Variants in MIS18A observed in about 807,000 individuals in gnomAD.
MIS18A encodes MIS18 kinetochore protein A.
MIS18A carries 14 observed loss-of-function variants against 25.0 expected under a neutral mutation model. The observed-to-expected ratio is 0.56, with a 90% CI of 0.37 to 0.88. MIS18A has a LOEUF of 0.88. Ranked by LOEUF, MIS18A falls within the 40% of genes least tolerant of loss-of-function variation. The probability of loss-of-function intolerance (pLI) is 0.00; values close to 1 mark genes in which losing one functional copy is unlikely to be tolerated. For missense variants in MIS18A, 292 were observed against 290.8 expected (o/e 1.00, Z -0.03); for synonymous variants, 134 against 118.6 (o/e 1.13, Z -0.84).
the MIS18A span, among the ~76,000 whole-genome samples, chr21:32,254,729 G>A: frequency 1.7e-4 from 26 of 152,174 alleles, no homozygotes; most frequent in East Asian, 5.8e-4. Context: ...CCTAGAATCC[G>A]TCTCCTCTTT....
chr21:32,218,865 G>A, the MIS18A span, among the ~76,000 whole-genome samples: 9 of 152,188 alleles, frequency 5.9e-5, no homozygotes, highest in African/African-American at 2.2e-4. Context: ...AGGAGTTCAA[G>A]ACCAGCCTGG....
the MIS18A span, among the ~76,000 whole-genome samples, chr21:32,213,048 A>G: frequency 6.6e-6 from 1 of 152,196 alleles, no homozygotes; most frequent in African/African-American, 2.4e-5. Flanking sequence ...GGGAGCAACT[A>G]CTTTCAAACA....
chr21:32,274,080 G>C (rs953072195), intron 2 of MIS18A, among the ~76,000 whole-genome samples: 3 of 152,002 alleles, frequency 2.0e-5, no homozygotes, highest in Admixed American at 2.0e-4. Context: ...ACCCCAATAG[G>C]CTGTGTGTGT....
the MIS18A span, among the ~76,000 whole-genome samples, chr21:32,219,615 C>T: frequency 6.6e-6 from 1 of 152,136 alleles, no homozygotes; most frequent in Non-Finnish European, 1.5e-5. Context: ...CCTGGAATGC[C>T]AGCAAGACAG....
chr21:32,242,753 G>T, the MIS18A span, among the ~76,000 whole-genome samples: 21 of 152,208 alleles, frequency 1.4e-4, no homozygotes, highest in Admixed American at 6.5e-5. Flanking sequence ...CCCTCCAGAA[G>T]CTCCCAGTGT....
the MIS18A span, among the ~76,000 whole-genome samples, chr21:32,221,723 C>CAAAA: frequency 5.5e-5 from 6 of 108,664 alleles, no homozygotes; most frequent in African/African-American, 2.1e-4. Context: ...ACGAATAATA[C>CAAAA]AAAAAAAAAA....
chr21:32,275,779 A>G (rs1229236248), intron 1 of MIS18A, among the ~76,000 whole-genome samples: 3 of 151,884 alleles, frequency 2.0e-5, no homozygotes, highest in African/African-American at 7.3e-5. Context: ...TTGTCTCCTC[A>G]TCCTGCTCCC....
the MIS18A span, among the ~76,000 whole-genome samples, chr21:32,254,456 G>A: frequency 3.9e-5 from 6 of 151,976 alleles, no homozygotes; most frequent in East Asian, 1.9e-4. Flanking sequence ...ACTTGAACCC[G>A]GGAGGTGGAG....
chr21:32,236,457 A>G, the MIS18A span, among the ~76,000 whole-genome samples: 1 of 71,942 alleles, frequency 1.4e-5, no homozygotes, highest in Admixed American at 1.9e-4. Context: ...ACCCAAAATA[A>G]CACTGGTCAA....
the MIS18A span, among the ~76,000 whole-genome samples, chr21:32,238,130 A>AT: frequency 6.6e-6 from 1 of 152,174 alleles, no homozygotes; most frequent in African/African-American, 2.4e-5. Context: ...CAGAAAAGCC[A>AT]TTTTCTAAAG....
intron 3 of MIS18A, among the ~76,000 whole-genome samples, chr21:32,270,144 C>T (rs1378126702): frequency 6.6e-6 from 1 of 151,948 alleles, no homozygotes; most frequent in East Asian, 1.9e-4. Flanking sequence ...TACTGAACTA[C>T]TTTCAATTTT....
At chr21:32,227,501 C>T in the MIS18A span, among the ~76,000 whole-genome samples, 2 of 151,974 alleles carry the variant, frequency 1.3e-5, no homozygotes, top group African/African-American at 2.4e-5. Context: ...ACAACCTAAA[C>T]TGACTCAAAA....
At chr21:32,198,396 T>C in the MIS18A span, among the ~76,000 whole-genome samples, 1 of 152,258 alleles carries the variant, frequency 6.6e-6, no homozygotes, top group Non-Finnish European at 1.5e-5. Context: ...AGTGTGTTCC[T>C]TCCCGGGTGT....
chr21:32,255,668 T>C, the MIS18A span, among the ~76,000 whole-genome samples: 11,777 of 151,442 alleles, frequency 0.078, 781 homozygotes, highest in African/African-American at 0.18. Flanking sequence ...GGAGGGTGGA[T>C]CACGAGGTCA....
At chr21:32,163,774 G>C in the MIS18A span, among the ~76,000 whole-genome samples, 1 of 152,176 alleles carries the variant, frequency 6.6e-6, no homozygotes, top group African/African-American at 2.4e-5. Flanking sequence ...ATCAAAAAAA[G>C]ATTTCTGGAG....
the MIS18A span, among the ~76,000 whole-genome samples, chr21:32,258,499 A>G: frequency 6.6e-6 from 1 of 152,152 alleles, no homozygotes; most frequent in South Asian, 2.1e-4. Context: ...AACAGGCTGG[A>G]CACGATGAAT....
chr21:32,265,559 G>A (rs1234887051), downstream of MIS18A, among the ~76,000 whole-genome samples: 2 of 152,238 alleles, frequency 1.3e-5, no homozygotes, highest in African/African-American at 4.8e-5. Flanking sequence ...GGCCTTAGCT[G>A]CCTTCCCGCG....
the MIS18A span, among the ~76,000 whole-genome samples, chr21:32,217,917 G>GGC: frequency 6.6e-6 from 1 of 152,046 alleles, no homozygotes; most frequent in African/African-American, 2.4e-5. Flanking sequence ...AAATAAGCTG[G>GGC]GTGCAGTGGC....
chr21:32,180,064 A>C, the MIS18A span, among the ~76,000 whole-genome samples: 1 of 152,216 alleles, frequency 6.6e-6, no homozygotes. Context: ...AGAAACCCAG[A>C]ACTGGCTTAT....
Sources: allele counts gnomAD v4.1 joint callset (sites outside exome capture counted in the v4.1 genomes callset), GRCh38; gene constraint gnomAD v4.1.1; transcripts MANE v1.5; gene names NCBI Gene and HGNC (gene_info 2026-07-23, HGNC 2026-07-21).